FGF2: variants seen among roughly 807,000 people sequenced by gnomAD.
FGF2 encodes basic fibroblast growth factor bFGF.
FGF2 carries 13 observed loss-of-function variants against 15.9 expected under a neutral mutation model. The ratio of observed to expected loss-of-function variants is 0.82; its 90% CI spans 0.53 to 1.30. The LOEUF is 1.30. Ranked by LOEUF, FGF2 falls within the 50% of genes most tolerant of loss-of-function variation. FGF2 has a pLI of 0.00. For synonymous variants in FGF2, 90 were observed against 78.4 expected, an observed-to-expected ratio of 1.15 and a Z score of -0.78; for missense variants, 163 against 196.9, an observed-to-expected ratio of 0.83 and a Z score of 1.03.
chr4:122,876,685 T>G (rs749846137), intron 2 of FGF2, among the ~76,000 whole-genome samples: 1 of 152,230 alleles, frequency 6.6e-6, no homozygotes, highest in African/African-American at 2.4e-5. Flanking sequence ...AGTCACTGCT[T>G]TTACTCTGCA....
intron 1 of FGF2, among the ~76,000 whole-genome samples, chr4:122,831,278 C>G (rs1280344734): frequency 1.3e-5 from 2 of 152,114 alleles, no homozygotes; most frequent in African/African-American, 4.8e-5. Flanking sequence ...TAGAGTGTGC[C>G]CTGCTGGACC....
Position 122,892,922 on chromosome 4 carries a change from A to G in FGF2, c.*526A>G. 1 of 1,614,132 alleles carries G rather than the reference A, an allele frequency of 6.2e-7. No individual in the cohort carries two copies. Among genetic ancestry groups the G allele is most frequent in the South Asian group, 1.1e-5 (1 of 91,086 alleles). On this transcript the variant is annotated 3_prime_UTR_variant, in exon 3 of 3. Coordinates refer to ENST00000644866, the MANE Select transcript of FGF2 (RefSeq NM_001361665.2). ...TGTGTAAACTGCTGGAAGTTCTTCC[A>G]CAGTCAGGTCAATTTTGTCAAACCC... is the stretch of plus-strand genomic sequence containing the variant.
chr4:122,898,236 A>G lies in FGF2; in HGVS notation c.*5840A>G, dbSNP rs1349474525. On this transcript the variant is annotated 3_prime_UTR_variant, in exon 3 of 3. Coordinates refer to ENST00000644866, the MANE Select transcript of FGF2 (RefSeq NM_001361665.2). ...ATTAGTTTGTGTTTTCTTGTCTCCCATTTCTTTGTGTCTTCTTGTCTATGA... is the reference window on the plus strand; with the variant it reads ...ATTAGTTTGTGTTTTCTTGTCTCCCGTTTCTTTGTGTCTTCTTGTCTATGA... 1 of 151,542 alleles carries G rather than the reference A, an allele frequency of 6.6e-6. No individual in the cohort carries two copies. Among genetic ancestry groups the G allele is most frequent in the African/African-American group, 2.4e-5 (1 of 41,230 alleles). The allele number at this position is 151,542 out of a possible 1,614,324, so 9.4% of individuals were successfully genotyped here.
chr4:122,896,178 G>A lies in FGF2; in HGVS notation c.*3782G>A, dbSNP rs1364525839. 6.9e-6 allele frequency: 1 copy of A among 145,454 alleles called. No individual in the cohort carries two copies. The highest frequency in any genetic ancestry group is 1.5e-5 in the Non-Finnish European group (1 of 66,250). The allele number at this position is 145,454 out of a possible 1,614,324, so 9.0% of individuals were successfully genotyped here. On this transcript the variant is annotated 3_prime_UTR_variant, in exon 3 of 3. Coordinates refer to ENST00000644866, the MANE Select transcript of FGF2 (RefSeq NM_001361665.2). The stretch of plus-strand genomic sequence containing the variant: ...AGGTGAGTTGTTGTGACAACCACAA[G>A]CACTTTTTTTTTTTTTAAAGAAAAA...
Position 122,837,421 on chromosome 4 carries a change from CAT to C in FGF2, c.178+10072_178+10073del, listed in dbSNP as rs1308287128. Among the ~76,000 whole-genome samples the C allele has an allele frequency of 2.0e-5, 3 of 152,156 alleles. No homozygotes were observed. In the East Asian group the frequency reaches 5.8e-4, roughly 29 times the overall value. ...CCATTTAAAAAATTACTTTTGGAAACATATCACTTGATAAACACTTTGCTTTT... is the reference window on the plus strand; with the variant it reads ...CCATTTAAAAAATTACTTTTGGAAACATCACTTGATAAACACTTTGCTTTT... On this transcript the variant is annotated intron_variant, in intron 1 of 2. Coordinates refer to ENST00000644866, the MANE Select transcript of FGF2 (RefSeq NM_001361665.2).
Position 122,893,078 on chromosome 4 carries a change from A to G in FGF2, c.*682A>G. 6.2e-7 allele frequency: 1 copy of G among 1,614,160 alleles called. No individual in the cohort carries two copies. Among genetic ancestry groups the G allele is most frequent in the Non-Finnish European group, 8.5e-7 (1 of 1,180,030 alleles). Reference sequence around the variant, plus strand: ...TTCTTCCTGGCAAAAATTTATGGTGAATGAATATGGCTTTAGGCGGCAGAT... The same window carrying G: ...TTCTTCCTGGCAAAAATTTATGGTGGATGAATATGGCTTTAGGCGGCAGAT... On this transcript the variant is annotated 3_prime_UTR_variant, in exon 3 of 3. Transcript: ENST00000644866.
chr4:122,843,608 T>C (rs890514930), intron 1 of FGF2, among the ~76,000 whole-genome samples: 4 of 152,174 alleles, frequency 2.6e-5, no homozygotes. Flanking sequence ...CTCAGACTAT[T>C]TTCCTGAACA....
At chr4:122,856,987 C>T (rs111514909) in intron 1 of FGF2, among the ~76,000 whole-genome samples, 1 of 152,314 alleles carries the variant, frequency 6.6e-6, no homozygotes, top group African/African-American at 2.4e-5. Context: ...AGGGTTGATG[C>T]GTTTTGTAGG....
At chr4:122,851,972 A>G (rs1726240756) in intron 1 of FGF2, among the ~76,000 whole-genome samples, 2 of 152,232 alleles carry the variant, frequency 1.3e-5, no homozygotes, top group South Asian at 4.1e-4. Context: ...GATGATTAAC[A>G]TGATAATATA....
At chr4:122,890,179 AG>A (rs1247341619) in intron 2 of FGF2, 2 of 152,158 alleles carry the variant, frequency 1.3e-5, no homozygotes, top group Non-Finnish European at 2.9e-5. Flanking sequence ...TTCACACGAG[AG>A]GGGTACTAAA....
chr4:122,889,750 T>C (rs1450478372), intron 2 of FGF2, among the ~76,000 whole-genome samples: 1 of 152,188 alleles, frequency 6.6e-6, no homozygotes, highest in Non-Finnish European at 1.5e-5. Flanking sequence ...ATTAATTAAT[T>C]AATAAGCTGT....
At chr4:122,830,313 G>C (rs1725737031) in intron 1 of FGF2, among the ~76,000 whole-genome samples, 1 of 152,170 alleles carries the variant, frequency 6.6e-6, no homozygotes, top group Non-Finnish European at 1.5e-5. Context: ...AGAGGAGGCA[G>C]AGTGGGAAGC....
intron 2 of FGF2, chr4:122,884,389 G>A (rs955713668): frequency 6.6e-6 from 1 of 152,186 alleles, no homozygotes; most frequent in Non-Finnish European, 1.5e-5. Flanking sequence ...AGCCAACTTG[G>A]GAGGCTGAGG....
chr4:122,844,634 C>CCTTT (rs928580690), intron 1 of FGF2, among the ~76,000 whole-genome samples: 3 of 122,916 alleles, frequency 2.4e-5, no homozygotes, highest in Admixed American at 8.9e-5. Context: ...TTCCTTTCTT[C>CCTTT]CTTTCTTTCT....
chr4:122,832,685 CAATA>C (rs1207205976), intron 1 of FGF2, among the ~76,000 whole-genome samples: 2 of 152,138 alleles, frequency 1.3e-5, no homozygotes, highest in African/African-American at 4.8e-5. Flanking sequence ...TGTCAGTGCT[CAATA>C]AATAGTTAAT....
intron 1 of FGF2, among the ~76,000 whole-genome samples, chr4:122,830,406 T>TGGAAACA (rs150094574): frequency 0.059 from 8,914 of 152,178 alleles, 319 homozygotes; most frequent in African/African-American, 0.083. Context: ...AATTTTTCAG[T>TGGAAACA]GTTGCTGAAG....
chr4:122,828,509 C>T (rs1260227416), intron 1 of FGF2, among the ~76,000 whole-genome samples: 1 of 152,178 alleles, frequency 6.6e-6, no homozygotes, highest in African/African-American at 2.4e-5. Flanking sequence ...AAAAGACCCA[C>T]AGGGGTCCCA....
intron 1 of FGF2, among the ~76,000 whole-genome samples, chr4:122,828,775 A>G (rs1354283914): frequency 1.3e-5 from 2 of 152,218 alleles, no homozygotes; most frequent in African/African-American, 2.4e-5. Context: ...GTAAAACTGA[A>G]AAGATGCTTG....
At chr4:122,885,386 A>G (rs939712867) in intron 2 of FGF2, among the ~76,000 whole-genome samples, 5 of 152,230 alleles carry the variant, frequency 3.3e-5, no homozygotes, top group African/African-American at 1.2e-4. Context: ...AGTGATATGT[A>G]TATATGAATC....
Sources: gnomAD v4.1 joint callset for allele counts (sites outside exome capture counted in the v4.1 genomes callset) on GRCh38, gnomAD v4.1.1 for gene constraint, MANE v1.5 for transcripts, NCBI Gene and HGNC (gene_info 2026-07-23, HGNC 2026-07-21) for gene names.